Variants in ATF2 observed in about 807,000 individuals in gnomAD.
ATF2 encodes cyclic AMP-dependent transcription factor ATF-2.
ATF2 carries 24 observed loss-of-function variants against 60.6 expected under a neutral mutation model. The ratio of observed to expected loss-of-function variants is 0.40; its 90% confidence interval spans 0.29 to 0.56. ATF2 has a LOEUF of 0.56. Ranked by LOEUF, ATF2 falls within the 20% of genes least tolerant of loss-of-function variation. The pLI, the probability that ATF2 is intolerant of heterozygous loss-of-function variation, is 0.54. For missense variants in ATF2, 433 were observed against 607.7 expected (o/e 0.71, Z 3.02); for synonymous variants, 206 against 215.4 (o/e 0.96, Z 0.38).
intron 10 of ATF2, among the ~76,000 whole-genome samples, chr2:175,105,262 C>T (rs2105642166): frequency 6.6e-6 from 1 of 151,970 alleles, no homozygotes; most frequent in South Asian, 2.1e-4. Context: ...AAAGTAGTCC[C>T]TGAATAATCA....
At chr2:175,134,553 AAAAG>A (rs1299995582) in intron 3 of ATF2, among the ~76,000 whole-genome samples, 7 of 151,994 alleles carry the variant, frequency 4.6e-5, no homozygotes, top group East Asian at 1.9e-4. Context: ...AAAAAAAAAA[AAAAG>A]AAAGAAAGAA....
intron 12 of ATF2, among the ~76,000 whole-genome samples, chr2:175,085,726 T>C (rs1157609092): frequency 1.3e-5 from 2 of 152,056 alleles, no homozygotes; most frequent in Non-Finnish European, 2.9e-5. Context: ...TAACATATAG[T>C]TGTAACATGA....
intron 3 of ATF2, among the ~76,000 whole-genome samples, chr2:175,135,648 T>A (rs1285086024): frequency 6.6e-6 from 1 of 152,150 alleles, no homozygotes; most frequent in African/African-American, 2.4e-5. Context: ...TGTTTTCCAT[T>A]AGAAGAAATT....
At chr2:175,111,870 T>C (rs1165892458) in intron 9 of ATF2, among the ~76,000 whole-genome samples, 3 of 152,232 alleles carry the variant, frequency 2.0e-5, no homozygotes, top group Non-Finnish European at 2.9e-5. Context: ...TTCCTAATTT[T>C]CAGTTTCTAC....
At chr2:175,123,839 T>A (rs1189159761) in intron 4 of ATF2, among the ~76,000 whole-genome samples, 2 of 151,892 alleles carry the variant, frequency 1.3e-5, no homozygotes, top group African/African-American at 2.4e-5. Context: ...CAAAATACAC[T>A]CAAAATACAA....
chr2:175,123,248 C>T (rs1697093475), intron 4 of ATF2, among the ~76,000 whole-genome samples: 1 of 152,058 alleles, frequency 6.6e-6, no homozygotes, highest in African/African-American at 2.4e-5. Context: ...AACATATCTG[C>T]AGAGCATACT....
intron 1 of ATF2, among the ~76,000 whole-genome samples, chr2:175,154,844 G>T (rs1054505401): frequency 6.6e-6 from 1 of 152,186 alleles, no homozygotes; most frequent in Non-Finnish European, 1.5e-5. Flanking sequence ...AAATTTCCTG[G>T]TAAGAGCCAA....
At chr2:175,078,002 C>T (rs888698412) in intron 13 of ATF2, among the ~76,000 whole-genome samples, 1 of 152,186 alleles carries the variant, frequency 6.6e-6, no homozygotes, top group Non-Finnish European at 1.5e-5. Context: ...TAGGGTCTCC[C>T]TGTCGCCCAG....
intron 2 of ATF2, among the ~76,000 whole-genome samples, chr2:175,139,171 T>C (rs1022573716): frequency 6.6e-5 from 10 of 152,204 alleles, no homozygotes; most frequent in African/African-American, 2.4e-4. Flanking sequence ...CTGTCTCTAT[T>C]CATCGTTGTA....
At chr2:175,142,712 A>AGT (rs1242081447) in intron 2 of ATF2, among the ~76,000 whole-genome samples, 18 of 124,124 alleles carry the variant, frequency 1.5e-4, no homozygotes, top group Admixed American at 4.5e-4. Context: ...AGAGAGAGAG[A>AGT]GAGAGAGAGT....
At chr2:175,160,611 T>G (rs895295194) in intron 1 of ATF2, among the ~76,000 whole-genome samples, 1 of 152,304 alleles carries the variant, frequency 6.6e-6, no homozygotes, top group Non-Finnish European at 1.5e-5. Flanking sequence ...AAATTGATAG[T>G]GTAGTTATAA....
At chr2:175,124,854 A>G (rs544734328) in intron 4 of ATF2, among the ~76,000 whole-genome samples, 1 of 152,196 alleles carries the variant, frequency 6.6e-6, no homozygotes, top group East Asian at 1.9e-4. Context: ...TAACAAAGAT[A>G]AATGAATCTT....
chr2:175,100,393 C>T (rs1470877103), intron 10 of ATF2, among the ~76,000 whole-genome samples: 1 of 152,136 alleles, frequency 6.6e-6, no homozygotes, highest in Non-Finnish European at 1.5e-5. Flanking sequence ...TCTGAATTTT[C>T]AAAATATCCC....
chr2:175,114,360 T>A (rs572099207), intron 8 of ATF2: 75 of 1,258,510 alleles, frequency 6.0e-5, no homozygotes, highest in South Asian at 1.0e-4. Flanking sequence ...TGAGAAAAAC[T>A]GTCATCAGAG....
intron 1 of ATF2, among the ~76,000 whole-genome samples, chr2:175,166,554 GA>G (rs531914528): frequency 3.0e-3 from 459 of 151,102 alleles, no homozygotes; most frequent in Non-Finnish European, 4.7e-3. Flanking sequence ...CTCAAGTAAG[GA>G]AAAAAAAATT....
At chr2:175,128,307 C>A (rs1418892903) in intron 4 of ATF2, among the ~76,000 whole-genome samples, 3 of 152,130 alleles carry the variant, frequency 2.0e-5, no homozygotes, top group African/African-American at 4.8e-5. Flanking sequence ...TCAAGACCAG[C>A]CTGACCAACA....
Position 175,118,019 on chromosome 2 carries a change from G to A in ATF2, c.418C>T (p.His140Tyr), listed in dbSNP as rs1398209425. 2 of 1,610,274 alleles carry A rather than the reference G, an allele frequency of 1.2e-6. No homozygotes were observed. The highest frequency in any genetic ancestry group is 3.4e-5 in the Admixed American group (2 of 59,560). Residue 140 changes from histidine to tyrosine, a missense_variant, in exon 7 of 14, where the codon CAC becomes TAC. Coordinates refer to ENST00000264110, the MANE Select transcript of ATF2 (RefSeq NM_001880.4). The stretch of plus-strand genomic sequence containing the variant: ...TCATCACTGGTAGTAGACTCTGGGT[G>A]AGGTAAAGGACTATCCTGGTGAGTT... Reference protein sequence around the residue: ...ETTHQDSPLPHPESTTSDEKE... With the variant: ...ETTHQDSPLPYPESTTSDEKE...
intron 2 of ATF2, among the ~76,000 whole-genome samples, chr2:175,141,036 T>TAC (rs1698496238): frequency 1.1e-4 from 12 of 113,244 alleles, no homozygotes; most frequent in African/African-American, 3.3e-4. Context: ...AAAAAATATA[T>TAC]ATATATATAT....
chr2:175,129,639 G>A (rs1408170846), intron 4 of ATF2, among the ~76,000 whole-genome samples: 1 of 150,672 alleles, frequency 6.6e-6, no homozygotes, highest in Non-Finnish European at 1.5e-5. Flanking sequence ...AATTTAGTGG[G>A]TTGTTAAAAA....
Sources: allele counts gnomAD v4.1 joint callset (sites outside exome capture counted in the v4.1 genomes callset), GRCh38; gene constraint gnomAD v4.1.1; transcripts MANE v1.5; gene names NCBI Gene and HGNC (gene_info 2026-07-23, HGNC 2026-07-21).